Variants in COL24A1 observed in about 807,000 individuals in gnomAD.
COL24A1 encodes the protein collagen alpha-1(XXIV) chain.
In COL24A1, 224 loss-of-function variants were observed where a neutral mutation model predicts 253.9. The ratio of observed to expected loss-of-function variants is 0.88; its 90% CI spans 0.79 to 0.99. The LOEUF (loss-of-function observed/expected upper bound fraction) is 0.99. Ranked by LOEUF, COL24A1 falls within the 50% of genes least tolerant of loss-of-function variation. The probability of loss-of-function intolerance (pLI) is 0.00; values close to 1 mark genes in which losing one functional copy is unlikely to be tolerated. For missense variants in COL24A1, 2,131 were observed against 2,068.5 expected, an observed-to-expected ratio of 1.03 and a Z score of -0.59; for synonymous variants, 685 against 673.7, an observed-to-expected ratio of 1.02 and a Z score of -0.26.
intron 40 of COL24A1, 46 bp from the exon 41 acceptor site, chr1:85,842,167 T>A: frequency 4.5e-6 from 7 of 1,561,926 alleles, no homozygotes; most frequent in Non-Finnish European, 6.2e-6. Context: ...ACCTAGATAT[T>A]AGATATTGCA....
chr1:85,908,499 C>T, intron 27 of COL24A1, 99 bp downstream of exon 27: 1 of 667,596 alleles, frequency 1.5e-6, no homozygotes, highest in Non-Finnish European at 2.5e-6. Flanking sequence ...TTACACATGA[C>T]TTACTTTGAA....
intron 3 of COL24A1, among the ~76,000 whole-genome samples, chr1:86,116,643 A>T (rs966114083): frequency 1.3e-5 from 2 of 152,136 alleles, no homozygotes; most frequent in South Asian, 4.1e-4. Flanking sequence ...GTTATTTTGC[A>T]TATTTCTCAT....
At chr1:85,775,762 A>T in intron 52 of COL24A1, 53 bp from the exon 53 acceptor site, 1 of 1,445,534 alleles carries the variant, frequency 6.9e-7, no homozygotes, top group Non-Finnish European at 9.6e-7. Flanking sequence ...TTACGTATTA[A>T]ATGTAGCTGA....
At position 85,784,371 on chromosome 1, in the gene COL24A1, G is replaced by A; in HGVS notation, c.4060-5C>T. ...ACCAGGTAGCCCTTGTTCACCCTAT[G>A]GGTAGAACAAAGAAAAGCGATCTTT... On this transcript the variant is annotated splice_polypyrimidine_tract_variant and splice_region_variant and intron_variant, in intron 48 of 59. Coordinates refer to ENST00000370571, the MANE Select transcript of COL24A1 (RefSeq NM_152890.7). 1 of 1,602,226 alleles carries A rather than the reference G, an allele frequency of 6.2e-7. No homozygotes were observed. Among genetic ancestry groups the A allele is most frequent in the Non-Finnish European group, 8.5e-7 (1 of 1,169,608 alleles).
chr1:85,911,924 T>C (rs2102936409), intron 24 of COL24A1, among the ~76,000 whole-genome samples: 1 of 152,248 alleles, frequency 6.6e-6, no homozygotes. Flanking sequence ...ATTTCATTAC[T>C]GAGGAAGACA....
At chr1:85,744,071 A>T (rs148881605) in intron 57 of COL24A1, among the ~76,000 whole-genome samples, 1 of 152,236 alleles carries the variant, frequency 6.6e-6, no homozygotes, top group Non-Finnish European at 1.5e-5. Flanking sequence ...AGTTTGTAGC[A>T]GACAAGGTTT....
rs559715920 is a variant in COL24A1 at position 85,991,019 on chromosome 1, T to G, written c.2311-3365A>C. ...CCATTTTGCAATGATACAAATAATC[T>G]AATTGATCTAGGCACTGAGCATCAA... On this transcript the variant is annotated intron_variant, in intron 19 of 59. Coordinates refer to ENST00000370571, the MANE Select transcript of COL24A1 (RefSeq NM_152890.7). Among the ~76,000 whole-genome samples the G allele has an allele frequency of 2.2e-4, 33 of 152,332 alleles. 1 individual carries two copies. The South Asian group carries it at 6.8e-3, about 32-fold the overall frequency.
chr1:86,156,917 G>A (rs1326935316), upstream of COL24A1: 1 of 152,340 alleles, frequency 6.6e-6, no homozygotes, highest in Non-Finnish European at 1.5e-5. Context: ...AAGTCGGTGC[G>A]AGGGGGCCGG....
chr1:85,984,908 C>G (rs1693583812), intron 20 of COL24A1, among the ~76,000 whole-genome samples: 1 of 151,864 alleles, frequency 6.6e-6, no homozygotes, highest in African/African-American at 2.4e-5. Flanking sequence ...CCATCACCTT[C>G]TGTTAATCAG....
intron 28 of COL24A1, 147 bp from the exon 29 acceptor site, chr1:85,896,556 C>A: frequency 1.6e-6 from 1 of 627,550 alleles, no homozygotes; most frequent in Non-Finnish European, 2.8e-6. Context: ...AGTGCAGTGG[C>A]GCGTCTCGGC....
chr1:85,802,111 C>A (rs1671491486), intron 47 of COL24A1, among the ~76,000 whole-genome samples: 1 of 152,190 alleles, frequency 6.6e-6, no homozygotes, highest in Non-Finnish European at 1.5e-5. Flanking sequence ...TATTAGTCTT[C>A]TGCATCTTGT....
rs776646993 is a variant in COL24A1 at position 85,842,141 on chromosome 1, C to A, written c.3517-20G>T. ...ATGGCCCTACGAAAGGACAAGTAGACATTTATACATGCTCTACCTAGATAT... is the reference window on the plus strand; with the variant it reads ...ATGGCCCTACGAAAGGACAAGTAGAAATTTATACATGCTCTACCTAGATAT... On this transcript the variant is annotated intron_variant, in intron 40 of 59. Transcript: ENST00000370571. 7.5e-6 allele frequency: 12 copies of A among 1,606,178 alleles called. No homozygotes were observed. Among genetic ancestry groups the A allele is most frequent in the South Asian group, 6.6e-5 (6 of 90,902 alleles).
chr1:85,881,321 A>T (rs764268902), intron 32 of COL24A1, among the ~76,000 whole-genome samples: 35 of 152,174 alleles, frequency 2.3e-4, no homozygotes, highest in Non-Finnish European at 4.4e-4. Flanking sequence ...TTGGTAAAAT[A>T]CGTCTTTTAA....
intron 24 of COL24A1, among the ~76,000 whole-genome samples, chr1:85,951,503 A>C (rs1443995086): frequency 6.6e-6 from 1 of 152,214 alleles, no homozygotes; most frequent in South Asian, 2.1e-4. Context: ...AGTGATGTTT[A>C]ATGAATATTG....
chr1:86,108,620 TAAAAAAAAAAA>T (rs55852463), intron 5 of COL24A1, among the ~76,000 whole-genome samples: 9 of 83,104 alleles, frequency 1.1e-4, no homozygotes, highest in African/African-American at 1.5e-4. Context: ...CCATCTCTAC[TAAAAAAAAAAA>T]AAAAAAAAAA....
At position 85,910,085 on chromosome 1, in the gene COL24A1, G is replaced by A. The variant is rs866055676; in HGVS notation, c.2617-82C>T. The A allele has an allele frequency of 2.3e-5, 25 of 1,098,316 alleles. No individual in the cohort carries two copies. The Middle Eastern group carries it at 1.4e-3, about 63-fold the overall frequency. The allele number at this position is 1,098,316 out of a possible 1,614,324, so 68.0% of individuals were successfully genotyped here. On this transcript the variant is annotated intron_variant, in intron 25 of 59. Transcript: ENST00000370571. ...TGAGCTAAGCCTAGAAAGAAAAACT[G>A]TCATCCAGAATCATGTCTTACATGC... is the stretch of plus-strand genomic sequence containing the variant.
Position 85,734,926 on chromosome 1 carries a change from A to G in COL24A1, c.4821T>C (p.Leu1607=), listed in dbSNP as rs1159511625. The G allele has an allele frequency of 3.1e-6, 5 of 1,614,096 alleles. No individual in the cohort carries two copies. The African/African-American group carries it at 5.3e-5, about 17-fold the overall frequency. ...FGVGKVQMNF[L]HLLSSEATHI... is the part of the protein sequence containing the mutation. ...GGGTGGCTTCCGAACTCAGTAAATG[A>G]AGGAAGTTCATCTGGACTTTCCCAA... Residue 1607 remains leucine, a synonymous_variant, in exon 59 of 60, where the codon CTT becomes CTC. Transcript: ENST00000370571.
At chr1:86,100,473 A>C (rs777620563) in intron 5 of COL24A1, among the ~76,000 whole-genome samples, 26 of 152,054 alleles carry the variant, frequency 1.7e-4, no homozygotes, top group Non-Finnish European at 3.7e-4. Flanking sequence ...GTATAATAAA[A>C]TATATATATT....
rs1437686510 is a variant in COL24A1 at position 85,730,153 on chromosome 1, T to G, written c.*393A>C. 1 of 156,134 alleles carries G rather than the reference T, an allele frequency of 6.4e-6. No homozygotes were observed. Among genetic ancestry groups the G allele is most frequent in the Admixed American group, 6.3e-5 (1 of 15,922 alleles). 9.7% of individuals were successfully genotyped at this position (156,134 alleles called of 1,614,324 possible). On this transcript the variant is annotated 3_prime_UTR_variant, in exon 60 of 60. Transcript: ENST00000370571. Reference sequence around the variant, plus strand: ...AGACATATTAGACTGTGGCTTGTAATTTTTAGACAGAAGCAGTGCACATCT... The same window carrying G: ...AGACATATTAGACTGTGGCTTGTAAGTTTTAGACAGAAGCAGTGCACATCT...
Sources: gnomAD v4.1 joint callset for allele counts (sites outside exome capture counted in the v4.1 genomes callset) on GRCh38, gnomAD v4.1.1 for gene constraint, MANE v1.5 for transcripts, NCBI Gene and HGNC (gene_info 2026-07-23, HGNC 2026-07-21) for gene names.